GOLGA4: variants seen among roughly 807,000 people sequenced by gnomAD.
The protein encoded by GOLGA4 is golgin subfamily A member 4.
Under a neutral mutation model 265.9 loss-of-function variants are expected in GOLGA4, and 169 were observed. That is an observed-to-expected ratio of 0.64 (90% confidence interval 0.56 to 0.72). The LOEUF (loss-of-function observed/expected upper bound fraction) is 0.72, where lower values mean the gene tolerates loss of function less well. Ranked by LOEUF, GOLGA4 falls within the 30% of genes least tolerant of loss-of-function variation. The pLI is 0.00. For missense variants in GOLGA4, 2,482 were observed against 2,483.4 expected (o/e 1.00, Z 0.01); for synonymous variants, 923 against 855.8 (o/e 1.08, Z -1.37).
In GOLGA4 at chr3:37,330,865, TA is replaced by T. The variant is rs1224156510; in HGVS notation, c.6192+1777del. Among the ~76,000 whole-genome samples the T allele has an allele frequency of 2.6e-5, 4 of 151,988 alleles. No individual in the cohort carries two copies. In the South Asian group the frequency reaches 8.3e-4, roughly 32 times the overall value. On this transcript the variant is annotated intron_variant, in intron 16 of 23. Coordinates refer to ENST00000361924, the MANE Select transcript of GOLGA4 (RefSeq NM_002078.5). ...CAACATGGTGAAACTCCATCTCTAC[TA>T]AAAATAAAAAAAATTAGCCAGGTGT...
At chr3:37,267,248 A>G (rs2096786259) in intron 2 of GOLGA4, among the ~76,000 whole-genome samples, 1 of 152,194 alleles carries the variant, frequency 6.6e-6, no homozygotes, top group African/African-American at 2.4e-5. Flanking sequence ...TTCATTAACT[A>G]AAAAAAGGTA....
At position 37,351,923 on chromosome 3, in the gene GOLGA4, G is replaced by T. The variant is rs114164286; in HGVS notation, c.6577-3178G>T. Among the ~76,000 whole-genome samples the T allele has an allele frequency of 8.5e-3, 1,296 of 151,752 alleles. 24 individuals carry two copies. Among genetic ancestry groups the T allele is most frequent in the African/African-American group, 0.03 (1,234 of 41,320 alleles). ...TGCCTTCAACTGAGAGTCACAGGCTGCACTAGCCTCTAACAAGAGAGCCAG... is the reference window on the plus strand; with the variant it reads ...TGCCTTCAACTGAGAGTCACAGGCTTCACTAGCCTCTAACAAGAGAGCCAG... On this transcript the variant is annotated intron_variant, in intron 21 of 23. Coordinates refer to ENST00000361924, the MANE Select transcript of GOLGA4 (RefSeq NM_002078.5).
chr3:37,315,541 C>T lies in GOLGA4; in HGVS notation c.1356C>T (p.Arg452=), dbSNP rs2096935311. 1.2e-6 allele frequency: 2 copies of T among 1,613,732 alleles called. No homozygotes were observed. The highest frequency in any genetic ancestry group is 8.5e-7 in the Non-Finnish European group (1 of 1,179,784). The change falls in exon 11 of 24, where the codon CGC becomes CGT. Residue 452 remains arginine (R), a synonymous_variant. Coordinates refer to ENST00000361924, the MANE Select transcript of GOLGA4 (RefSeq NM_002078.5). ...KTIEKTSEEE[R]ISLQQELSRV... ...TCGAAAAAACAAGTGAGGAGGAACG[C>T]ATCAGTCTTCAACAGGAATTAAGTC... is the stretch of plus-strand genomic sequence containing the variant.
chr3:37,289,354 GTATGTGC>G, intron 5 of GOLGA4, 63 bp downstream of exon 5: 1 of 1,030,256 alleles, frequency 9.7e-7, no homozygotes, highest in Non-Finnish European at 1.5e-6. Flanking sequence ...CAGAACTGTT[GTATGTGC>G]TAGGGTAGTT....
chr3:37,254,607 C>T (rs2150614135), intron 2 of GOLGA4, among the ~76,000 whole-genome samples: 1 of 151,926 alleles, frequency 6.6e-6, no homozygotes, highest in Middle Eastern at 3.4e-3. Flanking sequence ...CTCCTGGGTT[C>T]AAGTGGCTCT....
intron 2 of GOLGA4, among the ~76,000 whole-genome samples, chr3:37,278,089 TTTAAA>T (rs1489412924): frequency 1.2e-4 from 19 of 152,346 alleles, no homozygotes; most frequent in African/African-American, 4.6e-4. Context: ...TAATCTCACT[TTTAAA>T]TTAAGTGATC....
intron 2 of GOLGA4, among the ~76,000 whole-genome samples, chr3:37,262,145 A>C (rs967570853): frequency 2.6e-5 from 4 of 152,224 alleles, no homozygotes; most frequent in Non-Finnish European, 5.9e-5. Context: ...AAGAACAGAA[A>C]ATTGTAGAAG....
chr3:37,310,292 G>A (rs1233821257), intron 10 of GOLGA4, among the ~76,000 whole-genome samples: 1 of 152,142 alleles, frequency 6.6e-6, no homozygotes, highest in East Asian at 1.9e-4. Flanking sequence ...TATTATAATT[G>A]ATTAGGATAC....
rs56886561 is a variant in GOLGA4 at position 37,276,059 on chromosome 3, C to G, written c.163-5899C>G. On this transcript the variant is annotated intron_variant, in intron 2 of 23. Transcript: ENST00000361924. Reference sequence around the variant, plus strand: ...CAACAGAAAGGATGAGACAAATGCTCGAGATACTTATGTTTCATCCTTTCC... The same window carrying G: ...CAACAGAAAGGATGAGACAAATGCTGGAGATACTTATGTTTCATCCTTTCC... The G allele has an allele frequency of 5.0e-6, 8 of 1,612,520 alleles. No individual in the cohort carries two copies. In the Admixed American group the frequency reaches 8.3e-5, roughly 17 times the overall value.
chr3:37,254,811 C>T (rs889043963), intron 2 of GOLGA4, among the ~76,000 whole-genome samples: 4 of 148,798 alleles, frequency 2.7e-5, no homozygotes, highest in Non-Finnish European at 3.0e-5. Flanking sequence ...CGTATTTTTA[C>T]AATTTTTAAA....
At chr3:37,344,755 T>A (rs2097050747) in intron 20 of GOLGA4, among the ~76,000 whole-genome samples, 1 of 152,336 alleles carries the variant, frequency 6.6e-6, no homozygotes, top group East Asian at 1.9e-4. Context: ...AATTTTAAAG[T>A]CATCTTGTTA....
chr3:37,285,732 G>A (rs2096846692), intron 3 of GOLGA4, among the ~76,000 whole-genome samples: 1 of 152,224 alleles, frequency 6.6e-6, no homozygotes, highest in Admixed American at 6.5e-5. Context: ...CCTGCCTTTA[G>A]GCAAGTTGGC....
chr3:37,295,184 TA>T (rs1474900908), intron 6 of GOLGA4, 107 bp downstream of exon 6: 1 of 581,042 alleles, frequency 1.7e-6, no homozygotes, highest in Admixed American at 3.6e-5. Context: ...TTTTAAGACC[TA>T]TTTTTAAAAC....
intron 1 of GOLGA4, chr3:37,249,953 G>T (rs2096729402): frequency 6.6e-6 from 1 of 152,192 alleles, no homozygotes; most frequent in Non-Finnish European, 1.5e-5. Flanking sequence ...ATCAGATGAT[G>T]AACTTTATTT....
chr3:37,353,766 T>A (rs1280036580), intron 21 of GOLGA4, among the ~76,000 whole-genome samples: 1 of 151,990 alleles, frequency 6.6e-6, no homozygotes, highest in Non-Finnish European at 1.5e-5. Context: ...ATTTTTAAAA[T>A]TTTTTGTAGA....
At chr3:37,303,380 G>A (rs983704245) in intron 10 of GOLGA4, among the ~76,000 whole-genome samples, 3 of 152,186 alleles carry the variant, frequency 2.0e-5, no homozygotes, top group Non-Finnish European at 4.4e-5. Context: ...GAGAAGAAAG[G>A]TAGAATCTGT....
In GOLGA4 at chr3:37,339,834, T is replaced by C. The variant is rs545639137; in HGVS notation, c.6397-290T>C. 2.6e-5 allele frequency among the ~76,000 whole-genome samples: 4 copies of C among 152,362 alleles called. No individual in the cohort carries two copies. The East Asian group carries it at 7.7e-4, about 29-fold the overall frequency. ...TCTCCCATTCTGTAGCTTGTCTTTT[T>C]ACTTCATTGATAGTGTCTGTTGATG... On this transcript the variant is annotated intron_variant, in intron 19 of 23. Coordinates refer to ENST00000361924, the MANE Select transcript of GOLGA4 (RefSeq NM_002078.5).
intron 15 of GOLGA4, 35 bp downstream of exon 15, chr3:37,328,572 A>G (rs2096979874): frequency 6.4e-7 from 1 of 1,571,964 alleles, no homozygotes; most frequent in Non-Finnish European, 8.7e-7. Flanking sequence ...GAACAATTAT[A>G]TCAGCAGAGG....
chr3:37,308,832 G>A (rs1404112220), intron 10 of GOLGA4, among the ~76,000 whole-genome samples: 1 of 152,012 alleles, frequency 6.6e-6, no homozygotes, highest in African/African-American at 2.4e-5. Context: ...AGCCAGGATG[G>A]TCTCAAACTC....
Sources: allele counts gnomAD v4.1 joint callset (sites outside exome capture counted in the v4.1 genomes callset), GRCh38; gene constraint gnomAD v4.1.1; transcripts MANE v1.5; gene names NCBI Gene and HGNC (gene_info 2026-07-23, HGNC 2026-07-21).